The following JHY variants were observed in gnomAD, a reference collection of about 807,000 sequenced individuals.
The protein encoded by JHY is junctional cadherin complex regulator.
In JHY, 69 loss-of-function variants were observed where a neutral mutation model predicts 78.0. The observed-to-expected ratio is 0.88, with a 90% confidence interval of 0.73 to 1.08. The LOEUF is 1.08. Ranked by LOEUF, JHY falls within the 50% of genes least tolerant of loss-of-function variation. The pLI, the probability that JHY is intolerant of heterozygous loss-of-function variation, is 0.00. For synonymous variants in JHY, 368 were observed against 342.6 expected, an observed-to-expected ratio of 1.07 and a Z score of -0.82; for missense variants, 944 against 927.8, an observed-to-expected ratio of 1.02 and a Z score of -0.23.
intron 4 of JHY, among the ~76,000 whole-genome samples, chr11:122,933,592 T>A (rs950851188): frequency 6.6e-6 from 1 of 152,224 alleles, no homozygotes; most frequent in African/African-American, 2.4e-5. Flanking sequence ...TTTGATTGCC[T>A]AAGCGCAGGC....
intron 2 of JHY, among the ~76,000 whole-genome samples, chr11:122,900,826 A>G (rs766004645): frequency 6.6e-6 from 1 of 152,188 alleles, no homozygotes; most frequent in African/African-American, 2.4e-5. Context: ...ACACGCTACA[A>G]AGACAAAATG....
chr11:122,922,005 A>G (rs904687062), intron 3 of JHY, among the ~76,000 whole-genome samples: 5 of 152,142 alleles, frequency 3.3e-5, no homozygotes, highest in Non-Finnish European at 7.4e-5. Flanking sequence ...AAGAAGAGAA[A>G]TAGCTCATTT....
rs1171736860 is a variant in JHY, at chr11:122,960,862, C to T, written c.*1417C>T. ...GTGCAGAGGAATAACATTGCTATGG[C>T]TGTGGAGGTTACTTACTGGGAATGA... is the stretch of plus-strand genomic sequence containing the variant. On this transcript the variant is annotated 3_prime_UTR_variant, in exon 9 of 9. Transcript: ENST00000227349. 1 of 671,088 alleles carries T rather than the reference C, an allele frequency of 1.5e-6. No individual in the cohort carries two copies. The highest frequency in any genetic ancestry group is 2.9e-6 in the Non-Finnish European group (1 of 344,326). The allele number at this position is 671,088 out of a possible 1,614,324, so 41.6% of individuals were successfully genotyped here.
chr11:122,944,980 C>T (rs1301531730), intron 5 of JHY, among the ~76,000 whole-genome samples: 1 of 151,980 alleles, frequency 6.6e-6, no homozygotes, highest in Non-Finnish European at 1.5e-5. Flanking sequence ...TTTAATTCTG[C>T]CTGAGACTCT....
intron 5 of JHY, among the ~76,000 whole-genome samples, chr11:122,937,571 T>C (rs1158357537): frequency 6.6e-6 from 1 of 152,098 alleles, no homozygotes; most frequent in African/African-American, 2.4e-5. Flanking sequence ...CGGCATTTCT[T>C]TCAGATTGAA....
Position 122,898,101 on chromosome 11 carries a change from T to C in JHY, c.345-5824T>C, listed in dbSNP as rs1862773616. ...TGTATTTCTTTACACATCGAATTCA[T>C]TAGTTGATTACTGTATTACTGTTGG... is the stretch of plus-strand genomic sequence containing the variant. On this transcript the variant is annotated intron_variant, in intron 2 of 8. Coordinates refer to ENST00000227349, the MANE Select transcript of JHY (RefSeq NM_024806.4). The surrounding 1 kb of genome is among the most constrained non-coding windows in gnomAD (Gnocchi z 4.4). Among the ~76,000 whole-genome samples, 2 of 152,230 alleles carry C rather than the reference T, an allele frequency of 1.3e-5. No homozygotes were observed. Among genetic ancestry groups the C allele is most frequent in the Non-Finnish European group, 2.9e-5 (2 of 68,036 alleles).
intron 6 of JHY, among the ~76,000 whole-genome samples, chr11:122,950,785 G>A (rs936712460): frequency 6.6e-6 from 1 of 152,170 alleles, no homozygotes; most frequent in African/African-American, 2.4e-5. Flanking sequence ...GTACTCCGAC[G>A]ACAGTGTGTG....
rs117747244 is a variant in JHY, at chr11:122,895,964, C to T, written c.345-7961C>T. Among the ~76,000 whole-genome samples the T allele has an allele frequency of 1.8e-3, 267 of 152,198 alleles. 2 individuals are homozygous for T. Among genetic ancestry groups the T allele is most frequent in the East Asian group, 6.0e-3 (31 of 5,178 alleles). ...GCAAAACATAACCTCCTATTTGTCT[C>T]CACATGTGTTTTCCATCCAGAAAGG... On this transcript the variant is annotated intron_variant, in intron 2 of 8. Transcript: ENST00000227349.
intron 4 of JHY, among the ~76,000 whole-genome samples, chr11:122,928,253 G>A (rs890298988): frequency 5.9e-5 from 9 of 152,046 alleles, no homozygotes; most frequent in South Asian, 2.1e-4. Flanking sequence ...CCAGGAATTC[G>A]ATGTTACAGG....
At position 122,945,258 on chromosome 11, in the gene JHY, A is replaced by G. The variant is rs139461733; in HGVS notation, c.1635-1240A>G. Among the ~76,000 whole-genome samples the G allele has an allele frequency of 2.8e-3, 424 of 152,320 alleles. 9 individuals are homozygous for G. Among genetic ancestry groups the G allele is most frequent in the Admixed American group, 0.019 (298 of 15,300 alleles). On this transcript the variant is annotated intron_variant, in intron 5 of 8. Transcript: ENST00000227349. ...AAATCTCTCTTTACCTGTGTCCAACATATGCTCTTTAATGTATCCACTGAG... is the reference window on the plus strand; with the variant it reads ...AAATCTCTCTTTACCTGTGTCCAACGTATGCTCTTTAATGTATCCACTGAG...
At chr11:122,947,019 T>C in intron 6 of JHY, 2 of 459,874 alleles carry the variant, frequency 4.3e-6, no homozygotes, top group South Asian at 6.4e-5. Context: ...TTCTCCCTCC[T>C]GTTCAAGTCA....
intron 2 of JHY, among the ~76,000 whole-genome samples, chr11:122,894,266 C>T (rs897106918): frequency 1.3e-5 from 2 of 151,688 alleles, no homozygotes; most frequent in Admixed American, 1.3e-4. Context: ...AAGATCACGC[C>T]GTTGCACTCC....
intron 2 of JHY, among the ~76,000 whole-genome samples, chr11:122,888,093 A>G (rs770487757): frequency 1.5e-4 from 23 of 151,718 alleles, no homozygotes; most frequent in Non-Finnish European, 2.8e-4. Flanking sequence ...AATCAATCTC[A>G]TAAGTGTCTT....
At chr11:122,953,317 T>C (rs932680026) in intron 6 of JHY, among the ~76,000 whole-genome samples, 3 of 151,906 alleles carry the variant, frequency 2.0e-5, no homozygotes, top group Admixed American at 6.6e-5. Context: ...AAAATAAGAA[T>C]TTGGGCTGGG....
chr11:122,899,981 A>C (rs939048460), intron 2 of JHY, among the ~76,000 whole-genome samples: 2 of 152,214 alleles, frequency 1.3e-5, no homozygotes, highest in African/African-American at 4.8e-5. Flanking sequence ...GACAGGAAAC[A>C]CTGTGAGTTC....
chr11:122,922,333 T>C (rs1863384680), intron 3 of JHY, among the ~76,000 whole-genome samples: 1 of 152,154 alleles, frequency 6.6e-6, no homozygotes, highest in Non-Finnish European at 1.5e-5. Context: ...TTAATAGAGA[T>C]AGCTCAGGTA....
Position 122,934,932 on chromosome 11 carries a change from T to G in JHY, c.1491T>G (p.Asn497Lys), listed in dbSNP as rs142275817. 8 of 1,614,066 alleles carry G rather than the reference T, an allele frequency of 5.0e-6. No homozygotes were observed. The highest frequency in any genetic ancestry group is 6.8e-6 in the Non-Finnish European group (8 of 1,180,054). The change falls in exon 5 of 9, where the codon AAT (asparagine) becomes AAG (lysine). Residue 497 changes from asparagine to lysine, a missense_variant. By Grantham distance (94) the Asn-to-Lys change is moderately conservative (BLOSUM62 0). Transcript: ENST00000227349. Reference sequence around the variant, plus strand: ...CTGACATGGATTTGAACAACCTTAATGAACTTTCTAAGAGACACGTGCTCC... The same window carrying G: ...CTGACATGGATTTGAACAACCTTAAGGAACTTTCTAAGAGACACGTGCTCC... The part of the protein sequence containing the change: ...TLSDMDLNNL[N>K]ELSKRHVLLS...
At chr11:122,931,431 C>A (rs1863633199) in intron 4 of JHY, among the ~76,000 whole-genome samples, 2 of 152,124 alleles carry the variant, frequency 1.3e-5, no homozygotes, top group Admixed American at 1.3e-4. Context: ...GTTTTGCCTC[C>A]AACACTATCA....
intron 4 of JHY, among the ~76,000 whole-genome samples, chr11:122,929,960 A>G (rs945489944): frequency 3.3e-5 from 5 of 152,164 alleles, no homozygotes; most frequent in Admixed American, 6.5e-5. Context: ...TTTCAGCGGG[A>G]TGGGGAGAAG....
Sources: gnomAD v4.1 joint callset for allele counts (sites outside exome capture counted in the v4.1 genomes callset) on GRCh38, gnomAD v4.1.1 for gene constraint, Gnocchi (gnomAD v3.1) non-coding constraint, MANE v1.5 for transcripts, NCBI Gene and HGNC (gene_info 2026-07-23, HGNC 2026-07-21) for gene names.